MEAK7: variants seen among roughly 807,000 people sequenced by gnomAD.
MEAK7 encodes MTOR-associated protein MEAK7.
In MEAK7, 68 loss-of-function variants were observed where a neutral mutation model predicts 40.5. The observed-to-expected ratio is 1.68, with a 90% CI of 1.38 to 2.06. The LOEUF (loss-of-function observed/expected upper bound fraction) is 2.06, where lower values mean the gene tolerates loss of function less well. Ranked by LOEUF, MEAK7 falls within the 30% of genes most tolerant of loss-of-function variation. The pLI, the probability that MEAK7 is intolerant of heterozygous loss-of-function variation, is 0.00. For missense variants in MEAK7, 918 were observed against 580.5 expected, an observed-to-expected ratio of 1.58 and a Z score of -5.98; for synonymous variants, 338 against 231.9, an observed-to-expected ratio of 1.46 and a Z score of -4.16.
At position 84,492,074 on chromosome 16, in the gene MEAK7, C is replaced by G. The variant is rs796640460; in HGVS notation, c.385-2652G>C. On this transcript the variant is annotated intron_variant, in intron 3 of 7. Transcript: ENST00000343629. ...GCAATCAAACTGTGTTCACGAGACA[C>G]AGGGCCTGAAATTTAAAATATTTAA... Among the ~76,000 whole-genome samples the G allele has an allele frequency of 1.8e-4, 28 of 152,236 alleles. 4 individuals are homozygous for G. Among genetic ancestry groups the G allele is most frequent in the South Asian group, 4.1e-4 (2 of 4,826 alleles).
intron 6 of MEAK7, among the ~76,000 whole-genome samples, chr16:84,480,959 T>C (rs573654528): frequency 6.6e-6 from 1 of 152,300 alleles, no homozygotes; most frequent in South Asian, 2.1e-4. Flanking sequence ...CTCAAGAAGA[T>C]TTGCTGGCTG....
chr16:84,486,769 G>A lies in MEAK7; in HGVS notation c.820C>T (p.Leu274Phe), dbSNP rs1003180792. 10 of 1,614,046 alleles carry A rather than the reference G, an allele frequency of 6.2e-6. No homozygotes were observed. Among genetic ancestry groups the A allele is most frequent in the Non-Finnish European group, 8.5e-6 (10 of 1,179,916 alleles). The part of the protein sequence containing the change: ...HRWCLLFSSE[L>F]HGHSFSQLCG... ...AGCTGGGAGAAGCTGTGTCCATGGA[G>A]CTCAGACGAAAAGAGCAGGCACCAG... Residue 274 changes from leucine to phenylalanine, a missense_variant, in exon 5 of 8, where the codon CTC becomes TTC. By Grantham distance (22) the Leu-to-Phe change is conservative (BLOSUM62 0). Transcript: ENST00000343629.
chr16:84,481,699 C>T (rs1029115035), intron 6 of MEAK7, among the ~76,000 whole-genome samples: 1 of 152,126 alleles, frequency 6.6e-6, no homozygotes, highest in Admixed American at 6.5e-5. Flanking sequence ...TTTAGGAGGC[C>T]AAGGCGGGTG....
chr16:84,495,262 C>G (rs1913943914), intron 3 of MEAK7, among the ~76,000 whole-genome samples: 1 of 152,130 alleles, frequency 6.6e-6, no homozygotes, highest in South Asian at 2.1e-4. Flanking sequence ...GATCAAGACT[C>G]CATTTCAAAA....
In MEAK7 at chr16:84,489,271, C is replaced by T. The variant is rs368003465; in HGVS notation, c.529+7G>A. On this transcript the variant is annotated splice_region_variant and intron_variant, in intron 4 of 7. Transcript: ENST00000343629. ...AGACCTGCATCACCGCGTCCACGCACACTTGCCTTGCAGCTTCATGTCAGA... is the reference window on the plus strand; with the variant it reads ...AGACCTGCATCACCGCGTCCACGCATACTTGCCTTGCAGCTTCATGTCAGA... 5 of 1,613,760 alleles carry T rather than the reference C, an allele frequency of 3.1e-6. No individual in the cohort carries two copies. Among genetic ancestry groups the T allele is most frequent in the Non-Finnish European group, 4.2e-6 (5 of 1,179,812 alleles).
chr16:84,480,753 G>C (rs756535953), intron 6 of MEAK7, 45 bp from the exon 7 acceptor site: 12 of 1,551,802 alleles, frequency 7.7e-6, no homozygotes, highest in Non-Finnish European at 1.0e-5. Context: ...CAACTCCTCA[G>C]GGTCTGTGGA....
chr16:84,486,481 G>A, intron 5 of MEAK7, 150 bp downstream of exon 5: 2 of 1,432,836 alleles, frequency 1.4e-6, no homozygotes, highest in Non-Finnish European at 1.8e-6. Flanking sequence ...CCATAGAGCA[G>A]CATCACATTT....
chr16:84,482,979 T>C (rs1912711632), intron 5 of MEAK7, among the ~76,000 whole-genome samples: 2 of 152,180 alleles, frequency 1.3e-5, no homozygotes, highest in South Asian at 4.1e-4. Flanking sequence ...CTGCCCACTG[T>C]CTGCTGGAAT....
rs1913115093 is a variant in MEAK7, at chr16:84,486,828, A to C, written c.761T>G (p.Ile254Ser). ...CTGCTCCCGAGGCAGCTGGGCGTTG[A>C]TGTACATGACAGAGAGGACATCCAG... ...SILDVLSVMY[I>S]NAQLPREQRH... The change falls in exon 5 of 8, where the codon ATC (isoleucine) becomes AGC (serine). Residue 254 changes from isoleucine to serine, a missense_variant. Physicochemically the swap from Ile to Ser is moderately radical, Grantham distance 142. Coordinates refer to ENST00000343629, the MANE Select transcript of MEAK7 (RefSeq NM_020947.4). The C allele has an allele frequency of 1.2e-6, 2 of 1,614,172 alleles. No individual in the cohort carries two copies. The highest frequency in any genetic ancestry group is 1.3e-5 in the African/African-American group (1 of 75,040).
intron 6 of MEAK7, among the ~76,000 whole-genome samples, chr16:84,482,102 C>T (rs1447408867): frequency 6.6e-6 from 1 of 152,126 alleles, no homozygotes; most frequent in Admixed American, 6.5e-5. Context: ...CCTAGGCCTC[C>T]CCCGCTTCCC....
intron 1 of MEAK7, among the ~76,000 whole-genome samples, chr16:84,500,714 G>T (rs1369123851): frequency 1.3e-5 from 2 of 152,158 alleles, no homozygotes; most frequent in Admixed American, 6.5e-5. Context: ...CTCCAGCCTG[G>T]ACTCAATGTC....
chr16:84,494,541 C>T (rs544461016), intron 3 of MEAK7, among the ~76,000 whole-genome samples: 10 of 152,268 alleles, frequency 6.6e-5, no homozygotes, highest in East Asian at 5.8e-4. Flanking sequence ...GGAGTAACAG[C>T]GACCTATTTA....
At chr16:84,486,351 C>G (rs535533518) in intron 5 of MEAK7, 62 of 905,276 alleles carry the variant, frequency 6.8e-5, no homozygotes, top group Admixed American at 1.7e-4. Context: ...TCGGAGGCAT[C>G]TGTGGCTTGA....
chr16:84,489,414 C>A lies in MEAK7; in HGVS notation c.393G>T (p.Glu131Asp). The change falls in exon 4 of 8, where the codon GAG (glutamate) becomes GAT (aspartate). Residue 131 changes from glutamate (E) to aspartate (D), a missense_variant. Glu to Asp is a conservative substitution (Grantham distance 45). Coordinates refer to ENST00000343629, the MANE Select transcript of MEAK7 (RefSeq NM_020947.4). ...CGTGCACCACAGAGCCAACCAGATC[C>A]TCTGTAAACTGTAAGATCACAATTT... ...VKAREVQKFT[E>D]DLVGSVVHVL... 3 of 1,609,698 alleles carry A rather than the reference C, an allele frequency of 1.9e-6. No homozygotes were observed. Among genetic ancestry groups the A allele is most frequent in the Non-Finnish European group, 2.5e-6 (3 of 1,177,562 alleles).
At chr16:84,503,908 C>G (rs971123488) in intron 1 of MEAK7, 1 of 984,382 alleles carries the variant, frequency 1.0e-6, no homozygotes, top group South Asian at 4.7e-5. Context: ...CTCCAACTCT[C>G]TACTCCAAGG....
intron 3 of MEAK7, among the ~76,000 whole-genome samples, chr16:84,493,370 C>G (rs1436758789): frequency 6.6e-6 from 1 of 152,144 alleles, no homozygotes; most frequent in Non-Finnish European, 1.5e-5. Context: ...AGAGATTGTG[C>G]TGTTGGAATA....
intron 3 of MEAK7, among the ~76,000 whole-genome samples, chr16:84,492,819 T>C (rs962351359): frequency 2.6e-5 from 4 of 152,124 alleles, no homozygotes; most frequent in Non-Finnish European, 5.9e-5. Context: ...TGACCTCAGA[T>C]AATCCACCCA....
At position 84,495,767 on chromosome 16, in the gene MEAK7, T is replaced by C; in HGVS notation, c.300A>G (p.Lys100=). 1 of 1,614,098 alleles carries C rather than the reference T, an allele frequency of 6.2e-7. No homozygotes were observed. Among genetic ancestry groups the C allele is most frequent in the South Asian group, 1.1e-5 (1 of 91,076 alleles). The stretch of plus-strand genomic sequence containing the variant: ...TGAGACTCTTCTCCTCGGAGTTTCC[T>C]TTCAACAGGTGGGACATGGATGCTG... ...QFTASMSHLL[K]GNSEEKSLMI... The change falls in exon 3 of 8, where the codon AAA becomes AAG. Residue 100 remains lysine, a synonymous_variant. Transcript: ENST00000343629.
At chr16:84,494,871 C>G (rs1463398220) in intron 3 of MEAK7, 1 of 441,502 alleles carries the variant, frequency 2.3e-6, no homozygotes, top group South Asian at 1.6e-5. Flanking sequence ...ACTCAGGACT[C>G]CAATTCACTC....
Sources: gnomAD v4.1 joint callset for allele counts (sites outside exome capture counted in the v4.1 genomes callset) on GRCh38, gnomAD v4.1.1 for gene constraint, MANE v1.5 for transcripts, NCBI Gene and HGNC (gene_info 2026-07-23, HGNC 2026-07-21) for gene names.